The following GDAP1 variants were observed in gnomAD, a reference collection of about 807,000 sequenced individuals.
The protein encoded by GDAP1 is ganglioside-induced differentiation-associated protein 1.
A neutral mutation model predicts 40.1 loss-of-function variants in GDAP1; 34 were observed. That is an observed-to-expected ratio of 0.85 (90% CI 0.64 to 1.13). The LOEUF (loss-of-function observed/expected upper bound fraction) is 1.13, where lower values mean the gene tolerates loss of function less well. Ranked by LOEUF, GDAP1 falls within the 50% of genes most tolerant of loss-of-function variation. GDAP1 has a pLI of 0.00. For synonymous variants in GDAP1, 170 were observed against 157.4 expected (o/e 1.08, Z -0.60); for missense variants, 374 against 433.7 (o/e 0.86, Z 1.22).
intron 2 of GDAP1, among the ~76,000 whole-genome samples, chr8:74,454,740 A>T (rs1806314906): frequency 1.1e-5 from 1 of 92,406 alleles, no homozygotes; most frequent in Admixed American, 1.1e-4. Flanking sequence ...CAATGTAATA[A>T]CATAATGCCA....
At chr8:74,353,247 G>A (rs4540401) in intron 2 of GDAP1, among the ~76,000 whole-genome samples, 1 of 151,960 alleles carries the variant, frequency 6.6e-6, no homozygotes, top group South Asian at 2.1e-4. Flanking sequence ...TGGAAATATG[G>A]AAAGTGCAGA....
At chr8:74,456,808 A>G (rs1806341287) in intron 2 of GDAP1, among the ~76,000 whole-genome samples, 1 of 152,062 alleles carries the variant, frequency 6.6e-6, no homozygotes, top group Non-Finnish European at 1.5e-5. Flanking sequence ...AAGAATTTTA[A>G]TATGCTTAAG....
intron 2 of GDAP1, among the ~76,000 whole-genome samples, chr8:74,399,955 G>A (rs1810293472): frequency 7.0e-6 from 1 of 142,794 alleles, no homozygotes; most frequent in Non-Finnish European, 1.5e-5. Context: ...TTGCTGAGGA[G>A]AGCTTTACTT....
At chr8:74,351,511 C>CATAGTTGTGTTGA in intron 2 of GDAP1, 45 bp downstream of exon 2, 1 of 1,286,144 alleles carries the variant, frequency 7.8e-7, no homozygotes, top group Non-Finnish European at 1.1e-6. Flanking sequence ...ACTTTCAACA[C>CATAGTTGTGTTGA]AACTATGTGT....
intron 2 of GDAP1, among the ~76,000 whole-genome samples, chr8:74,375,502 T>A (rs1484323823): frequency 6.6e-6 from 1 of 152,220 alleles, no homozygotes. Flanking sequence ...CACAGTGTTA[T>A]TAACCACATT....
rs771699806 is a variant in GDAP1 at position 74,431,618 on chromosome 8, A to G, written c.166-57060A>G. On this transcript the variant is annotated intron_variant, in intron 2 of 2. Transcript: ENST00000523640. ...TGCCTCAGCCTCCCAAGTAGCTGGG[A>G]CTACAGGCGCCCGCCACTGCACCCG... Among the ~76,000 whole-genome samples, 199 of 152,038 alleles carry G rather than the reference A, an allele frequency of 1.3e-3. 3 individuals carry two copies. Among genetic ancestry groups the G allele is most frequent in the Admixed American group, 1.8e-3 (27 of 15,270 alleles).
intron 2 of GDAP1, among the ~76,000 whole-genome samples, chr8:74,486,990 C>A (rs1001800446): frequency 1.3e-5 from 2 of 152,098 alleles, no homozygotes; most frequent in Non-Finnish European, 2.9e-5. Flanking sequence ...GCTATGTAAC[C>A]ATTCACAAGT....
At chr8:74,401,521 G>A (rs1810338534) in intron 2 of GDAP1, among the ~76,000 whole-genome samples, 1 of 149,948 alleles carries the variant, frequency 6.7e-6, no homozygotes, top group South Asian at 2.1e-4. Context: ...GCTCGGAGTA[G>A]TTTGATCGTC....
At chr8:74,374,423 T>C (rs576782327) in intron 2 of GDAP1, among the ~76,000 whole-genome samples, 2 of 152,258 alleles carry the variant, frequency 1.3e-5, no homozygotes, top group South Asian at 2.1e-4. Flanking sequence ...AAATTTTTCA[T>C]GTAAGTTTCC....
chr8:74,393,311 C>T (rs897405516), intron 2 of GDAP1, among the ~76,000 whole-genome samples: 2 of 152,114 alleles, frequency 1.3e-5, no homozygotes, highest in African/African-American at 4.8e-5. Context: ...TTCCTCTTTT[C>T]ACCTCCTAAT....
At chr8:74,425,863 C>T (rs1805941210) in intron 2 of GDAP1, among the ~76,000 whole-genome samples, 1 of 152,024 alleles carries the variant, frequency 6.6e-6, no homozygotes. Context: ...CTTTTATTTC[C>T]TCTTCTTTAA....
At chr8:74,412,557 C>T (rs926522589) in intron 2 of GDAP1, among the ~76,000 whole-genome samples, 1 of 149,620 alleles carries the variant, frequency 6.7e-6, no homozygotes, top group African/African-American at 2.6e-5. Context: ...GATTTGTCAA[C>T]AAAAAGAAAT....
intron 2 of GDAP1, among the ~76,000 whole-genome samples, chr8:74,372,487 T>G (rs566939286): frequency 1.3e-5 from 2 of 152,354 alleles, no homozygotes; most frequent in Non-Finnish European, 2.9e-5. Flanking sequence ...GGTATCTCAT[T>G]GTGGTTTTGA....
chr8:74,426,149 G>T (rs1294832755), intron 2 of GDAP1, among the ~76,000 whole-genome samples: 1 of 152,186 alleles, frequency 6.6e-6, no homozygotes, highest in Non-Finnish European at 1.5e-5. Flanking sequence ...TAAACTTTCA[G>T]ATTTTGAAAT....
chr8:74,357,508 T>C (rs117741462), intron 2 of GDAP1, among the ~76,000 whole-genome samples: 2,366 of 152,328 alleles, frequency 0.016, 30 homozygotes, highest in Non-Finnish European at 0.022. Flanking sequence ...TCTGATTTTA[T>C]TTTTTGCTTC....
At chr8:74,400,374 C>T (rs1245777595) in intron 2 of GDAP1, among the ~76,000 whole-genome samples, 1 of 149,632 alleles carries the variant, frequency 6.7e-6, no homozygotes, top group Non-Finnish European at 1.5e-5. Context: ...GATTGCAACC[C>T]CTGCCTTTTT....
intron 2 of GDAP1, among the ~76,000 whole-genome samples, chr8:74,399,947 G>T (rs1415815569): frequency 7.0e-6 from 1 of 143,078 alleles, no homozygotes; most frequent in Non-Finnish European, 1.5e-5. Context: ...TTTTACATTT[G>T]CTGAGGAGAG....
At chr8:74,488,798 A>G (rs1806807379) in exon 3 of GDAP1, 1 of 152,182 alleles carries the variant, frequency 6.6e-6, no homozygotes, top group African/African-American at 2.4e-5. Flanking sequence ...GGCACCTGCC[A>G]GTTGGGTTTA....
chr8:74,423,674 T>C (rs964614711), intron 2 of GDAP1, among the ~76,000 whole-genome samples: 2 of 152,066 alleles, frequency 1.3e-5, no homozygotes, highest in Non-Finnish European at 2.9e-5. Flanking sequence ...TATTATTGTC[T>C]AGAGCAGTAT....
Sources: gnomAD v4.1 joint callset for allele counts (sites outside exome capture counted in the v4.1 genomes callset) on GRCh38, gnomAD v4.1.1 for gene constraint, MANE v1.5 for transcripts, NCBI Gene and HGNC (gene_info 2026-07-23, HGNC 2026-07-21) for gene names.